Variants in OPCML observed in about 807,000 individuals in gnomAD.
OPCML encodes opioid binding protein/cell adhesion molecule like, also known as opioid-binding protein/cell adhesion molecule.
OPCML carries 13 observed loss-of-function variants against 37.8 expected under a neutral mutation model. The ratio of observed to expected loss-of-function variants is 0.34; its 90% CI spans 0.22 to 0.55. The LOEUF (loss-of-function observed/expected upper bound fraction) is 0.55. Among genes scored for constraint, OPCML ranks in the 20% least tolerant of loss-of-function variants. The probability of loss-of-function intolerance (pLI) is 0.91; values close to 1 mark genes in which losing one functional copy is unlikely to be tolerated. For synonymous variants in OPCML, 176 were observed against 168.8 expected (o/e 1.04, Z -0.33); for missense variants, 341 against 435.6 (o/e 0.78, Z 1.93).
At chr11:132,658,939 A>C (rs908639001) in intron 2 of OPCML, among the ~76,000 whole-genome samples, 14 of 152,130 alleles carry the variant, frequency 9.2e-5, no homozygotes, top group African/African-American at 3.4e-4. Context: ...CATTCCAATG[A>C]AACTATTTTT....
At chr11:132,670,084 G>A (rs574826379) in intron 2 of OPCML, among the ~76,000 whole-genome samples, 1 of 152,228 alleles carries the variant, frequency 6.6e-6, no homozygotes, top group African/African-American at 2.4e-5. Context: ...TGAGCAAGAT[G>A]AAATTAAAAT....
intron 1 of OPCML, among the ~76,000 whole-genome samples, chr11:133,160,068 G>A (rs1335654821): frequency 6.6e-6 from 1 of 152,212 alleles, no homozygotes; most frequent in Non-Finnish European, 1.5e-5. Context: ...CTGACAGAAA[G>A]GATTATGTGC....
chr11:132,805,183 A>T (rs913066905), intron 2 of OPCML, among the ~76,000 whole-genome samples: 1 of 152,206 alleles, frequency 6.6e-6, no homozygotes, highest in African/African-American at 2.4e-5. Flanking sequence ...TCAAGATGGC[A>T]TTAAAAAGCC....
intron 1 of OPCML, among the ~76,000 whole-genome samples, chr11:133,085,871 G>A (rs568550): frequency 0.46 from 70,023 of 152,110 alleles, 18,745 homozygotes; most frequent in Non-Finnish European, 0.59. Context: ...GAGATCATGC[G>A]TATGTTAAAT....
chr11:133,193,885 T>C (rs1372799630), intron 1 of OPCML, among the ~76,000 whole-genome samples: 1 of 152,140 alleles, frequency 6.6e-6, no homozygotes, highest in African/African-American at 2.4e-5. Flanking sequence ...ACAGCAATAA[T>C]CAATGTCCTA....
intron 1 of OPCML, chr11:133,118,487 G>T (rs896261187): frequency 4.6e-6 from 4 of 876,762 alleles, no homozygotes; most frequent in African/African-American, 1.8e-5. Context: ...CCTCCATTTG[G>T]TCAAGGAGAC....
chr11:133,388,285 T>C (rs992272964), intron 1 of OPCML, among the ~76,000 whole-genome samples: 1 of 152,158 alleles, frequency 6.6e-6, no homozygotes, highest in African/African-American at 2.4e-5. Context: ...GGTGTAACTA[T>C]TGGGTACTTT....
At chr11:132,672,923 T>C (rs1179775727) in intron 2 of OPCML, among the ~76,000 whole-genome samples, 2 of 152,142 alleles carry the variant, frequency 1.3e-5, no homozygotes, top group East Asian at 1.9e-4. Flanking sequence ...CATTCCAGGG[T>C]AAATGAACAT....
chr11:132,449,240 G>A (rs1393075274), intron 4 of OPCML, among the ~76,000 whole-genome samples: 1 of 152,180 alleles, frequency 6.6e-6, no homozygotes, highest in East Asian at 1.9e-4. Flanking sequence ...AATTATGAAG[G>A]ACTATGTGTG....
At chr11:133,006,046 C>T in intron 1 of OPCML, 1 of 985,348 alleles carries the variant, frequency 1.0e-6, no homozygotes, top group Non-Finnish European at 1.2e-6. Flanking sequence ...GGAGAGCCAT[C>T]CTAAGGGCGA....
At position 132,623,526 on chromosome 11, in the gene OPCML, A is replaced by C. The variant is rs537828778; in HGVS notation, c.379+33561T>G. Among the ~76,000 whole-genome samples the C allele has an allele frequency of 2.0e-5, 3 of 152,322 alleles. No homozygotes were observed. The East Asian group carries it at 5.8e-4, about 29-fold the overall frequency. On this transcript the variant is annotated intron_variant, in intron 3 of 7. Coordinates refer to ENST00000524381, the MANE Select transcript of OPCML (RefSeq NM_001012393.5). ...AAGTACTTCCATTTTCTAATTGTTC[A>C]TAAATTTACTGACAGGTGGTTACAC...
chr11:132,460,203 T>C (rs998707027), intron 4 of OPCML, among the ~76,000 whole-genome samples: 1 of 150,884 alleles, frequency 6.6e-6, no homozygotes, highest in Non-Finnish European at 1.5e-5. Flanking sequence ...AAGAATATTC[T>C]TAAGTTAAAG....
At chr11:132,828,331 A>C (rs1366890639) in intron 2 of OPCML, among the ~76,000 whole-genome samples, 1 of 152,154 alleles carries the variant, frequency 6.6e-6, no homozygotes, top group Non-Finnish European at 1.5e-5. Flanking sequence ...GTCATTACAC[A>C]TTTGCCAAAA....
intron 4 of OPCML, among the ~76,000 whole-genome samples, chr11:132,458,680 AT>A (rs748905978): frequency 1.3e-5 from 2 of 152,216 alleles, no homozygotes; most frequent in Non-Finnish European, 2.9e-5. Flanking sequence ...AACCCATTAC[AT>A]TTTAACGTAA....
chr11:133,439,858 C>T (rs1482914967), intron 1 of OPCML, among the ~76,000 whole-genome samples: 2 of 152,042 alleles, frequency 1.3e-5, no homozygotes, highest in South Asian at 4.1e-4. Context: ...AATCCAGCTA[C>T]GAATTAAAAG....
At chr11:132,861,851 AAAAAAC>A (rs1162218361) in intron 2 of OPCML, among the ~76,000 whole-genome samples, 4 of 151,910 alleles carry the variant, frequency 2.6e-5, no homozygotes, top group African/African-American at 9.7e-5. Context: ...AAAAAAAAAA[AAAAAAC>A]AAAAACTGTT....
chr11:132,702,372 AC>A (rs1943862456), intron 2 of OPCML, among the ~76,000 whole-genome samples: 1 of 152,036 alleles, frequency 6.6e-6, no homozygotes, highest in Non-Finnish European at 1.5e-5. Flanking sequence ...TGACTATATC[AC>A]CCCATTCTTT....
At chr11:133,114,000 G>C (rs7110406) in intron 1 of OPCML, among the ~76,000 whole-genome samples, 92,983 of 152,122 alleles carry the variant, frequency 0.61, 28,664 homozygotes, top group East Asian at 0.8. Flanking sequence ...TGATTACGCT[G>C]TTGTCTATCT....
intron 2 of OPCML, among the ~76,000 whole-genome samples, chr11:132,664,342 C>T (rs1432407727): frequency 6.6e-6 from 1 of 152,060 alleles, no homozygotes; most frequent in African/African-American, 2.4e-5. Context: ...TTAAAGTGGT[C>T]TTCTATAGAG....
Sources: allele counts gnomAD v4.1 joint callset (sites outside exome capture counted in the v4.1 genomes callset), GRCh38; gene constraint gnomAD v4.1.1; transcripts MANE v1.5; gene names NCBI Gene and HGNC (gene_info 2026-07-23, HGNC 2026-07-21).